RTN1: variants seen among roughly 807,000 people sequenced by gnomAD.
RTN1 encodes the protein reticulon-1.
A neutral mutation model predicts 65.5 loss-of-function variants in RTN1; 25 were observed. The ratio of observed to expected loss-of-function variants is 0.38; its 90% confidence interval spans 0.28 to 0.53. The LOEUF (loss-of-function observed/expected upper bound fraction) is 0.53, where lower values mean the gene tolerates loss of function less well. RTN1 is among the 20% of genes least tolerant of loss of function. RTN1 has a pLI of 0.79. For missense variants in RTN1, 983 were observed against 1,025.4 expected, an observed-to-expected ratio of 0.96 and a Z score of 0.57; for synonymous variants, 471 against 447.6, an observed-to-expected ratio of 1.05 and a Z score of -0.66.
chr14:59,612,001 G>A (rs529260083), intron 3 of RTN1, among the ~76,000 whole-genome samples: 1 of 152,264 alleles, frequency 6.6e-6, no homozygotes, highest in East Asian at 1.9e-4. Context: ...CTTGCCCAGA[G>A]ACCCCATTGT....
chr14:59,720,413 C>T (rs191338943), intron 3 of RTN1, among the ~76,000 whole-genome samples: 3 of 152,268 alleles, frequency 2.0e-5, no homozygotes, highest in Non-Finnish European at 2.9e-5. Context: ...ATAAAAGTAG[C>T]TTAGTTGCTT....
Position 59,671,171 on chromosome 14 carries a change from C to A in RTN1, c.1765+55748G>T, listed in dbSNP as rs527509343. Among the ~76,000 whole-genome samples the A allele has an allele frequency of 4.6e-5, 7 of 152,118 alleles. No homozygotes were observed. In the East Asian group the frequency reaches 1.4e-3, roughly 29 times the overall value. ...AAAGACAGTTTGTCTTGTAAAGACA[C>A]ATCAAAAAGTCATACTTGTGGAAAA... On this transcript the variant is annotated intron_variant, in intron 3 of 8. Coordinates refer to ENST00000267484, the MANE Select transcript of RTN1 (RefSeq NM_021136.3).
intron 1 of RTN1, among the ~76,000 whole-genome samples, chr14:59,845,415 T>C (rs1046168962): frequency 6.6e-6 from 1 of 152,124 alleles, no homozygotes; most frequent in Admixed American, 6.5e-5. Flanking sequence ...TCTTAAGTCT[T>C]CTTCATCTCC....
rs895825596 is a variant in RTN1, at chr14:59,870,550, C to T, written c.81G>A (p.Glu27=). The stretch of plus-strand genomic sequence containing the variant: ...TCGGCGTCACCGCTTCGTTCTCCCC[C>T]TCCCCCCGGTGCCTGAGCCACTGGG... The part of the protein sequence containing the change: ...PGSQWLRHRG[E]GENEAVTPKG... The change falls in exon 1 of 9, where the codon GAG becomes GAA. Residue 27 remains glutamate, a synonymous_variant. Coordinates refer to ENST00000267484, the MANE Select transcript of RTN1 (RefSeq NM_021136.3). The surrounding 1 kb of genome is among the most constrained non-coding windows in gnomAD (Gnocchi z 5.1). 1 of 1,458,196 alleles carries T rather than the reference C, an allele frequency of 6.9e-7. No homozygotes were observed. The highest frequency in any genetic ancestry group is 1.3e-5 in the South Asian group (1 of 75,264). The allele number at this position is 1,458,196 out of a possible 1,614,324, so 90.3% of individuals were successfully genotyped here.
chr14:59,721,765 G>A (rs1884652586), intron 3 of RTN1, among the ~76,000 whole-genome samples: 1 of 152,144 alleles, frequency 6.6e-6, no homozygotes, highest in Non-Finnish European at 1.5e-5. Flanking sequence ...GATCACCTGG[G>A]TGATAATTTT....
At chr14:59,631,906 TG>T (rs1882564016) in intron 3 of RTN1, among the ~76,000 whole-genome samples, 1 of 152,174 alleles carries the variant, frequency 6.6e-6, no homozygotes, top group Non-Finnish European at 1.5e-5. Context: ...CATAGAGAAG[TG>T]GAGCCTTCCC....
chr14:59,825,549 G>A lies in RTN1; in HGVS notation c.241+44841C>T, dbSNP rs1044542091. On this transcript the variant is annotated intron_variant, in intron 1 of 8. Coordinates refer to ENST00000267484, the MANE Select transcript of RTN1 (RefSeq NM_021136.3). This position sits in a 1 kb window ranked among gnomAD's most constrained non-coding sequence, Gnocchi z 4.2. ...GTAGCCAGCAGCATGAGAGGAAGGC[G>A]GCTGTGTCCTGGCTTTCTGGACTTC... 1.3e-5 allele frequency among the ~76,000 whole-genome samples: 2 copies of A among 152,222 alleles called. No individual in the cohort carries two copies. The highest frequency in any genetic ancestry group is 6.5e-5 in the Admixed American group (1 of 15,290).
At chr14:59,834,289 A>G (rs1887177814) in intron 1 of RTN1, among the ~76,000 whole-genome samples, 1 of 152,200 alleles carries the variant, frequency 6.6e-6, no homozygotes, top group Non-Finnish European at 1.5e-5. Flanking sequence ...AATCTTTGTC[A>G]CCTTTGGTTA....
chr14:59,702,750 T>C (rs1384264671), intron 3 of RTN1, among the ~76,000 whole-genome samples: 1 of 152,214 alleles, frequency 6.6e-6, no homozygotes, highest in Non-Finnish European at 1.5e-5. Flanking sequence ...CTACTCACTA[T>C]ATGGCAAGCA....
At chr14:59,770,378 C>CAAAAAA (rs774086177) in intron 1 of RTN1, among the ~76,000 whole-genome samples, 4 of 53,732 alleles carry the variant, frequency 7.4e-5, no homozygotes, top group Non-Finnish European at 1.4e-4. Flanking sequence ...AACTCTGCCT[C>CAAAAAA]AAAAAAAAAA....
intron 1 of RTN1, among the ~76,000 whole-genome samples, chr14:59,782,025 A>G (rs1315515376): frequency 6.6e-6 from 1 of 152,116 alleles, no homozygotes; most frequent in African/African-American, 2.4e-5. Flanking sequence ...AGGCAGCTTC[A>G]TGAATGGGAT....
At chr14:59,730,537 C>T (rs1884876198) in intron 2 of RTN1, among the ~76,000 whole-genome samples, 1 of 152,142 alleles carries the variant, frequency 6.6e-6, no homozygotes, top group Non-Finnish European at 1.5e-5. Flanking sequence ...TTTTGTGCTT[C>T]AGAGAATACC....
intron 3 of RTN1, among the ~76,000 whole-genome samples, chr14:59,631,516 C>CCA (rs1430395673): frequency 1.3e-5 from 2 of 152,080 alleles, no homozygotes; most frequent in Admixed American, 1.3e-4. Context: ...GCTTCCAAGC[C>CCA]CAGGTAGTTA....
At chr14:59,735,316 G>A (rs889102274) in intron 2 of RTN1, among the ~76,000 whole-genome samples, 11 of 152,278 alleles carry the variant, frequency 7.2e-5, no homozygotes, top group Admixed American at 3.9e-4. Flanking sequence ...ACACTATGAA[G>A]CAACCACATA....
At chr14:59,785,602 A>T (rs1036391785) in intron 1 of RTN1, among the ~76,000 whole-genome samples, 2 of 152,246 alleles carry the variant, frequency 1.3e-5, no homozygotes, top group Non-Finnish European at 2.9e-5. Flanking sequence ...GCTTGAAGAA[A>T]TCATACTTTA....
chr14:59,732,343 C>T (rs1032101568), intron 2 of RTN1, among the ~76,000 whole-genome samples: 6 of 152,192 alleles, frequency 3.9e-5, no homozygotes, highest in South Asian at 2.1e-4. Flanking sequence ...GAATCAGCTT[C>T]GGTCCCTGGC....
chr14:59,680,395 T>C (rs1883720666), intron 3 of RTN1, among the ~76,000 whole-genome samples: 1 of 152,200 alleles, frequency 6.6e-6, no homozygotes, highest in African/African-American at 2.4e-5. Context: ...TTTAAAGTTA[T>C]TTTGCATAAA....
chr14:59,750,346 A>ATCTATAATATATAATATCTATAATATAT (rs1555358894), intron 1 of RTN1, among the ~76,000 whole-genome samples: 2 of 40,372 alleles, frequency 5.0e-5, no homozygotes, highest in Non-Finnish European at 7.1e-5. Flanking sequence ...TATATCTATA[A>ATCTATAATATATAATATCTATAATATAT]TATATATTAT....
At chr14:59,837,551 T>C (rs991854403) in intron 1 of RTN1, among the ~76,000 whole-genome samples, 4 of 152,014 alleles carry the variant, frequency 2.6e-5, no homozygotes, top group African/African-American at 9.7e-5. Context: ...AAAAAGTTAA[T>C]ATCCTTAAAA....
Sources: allele counts gnomAD v4.1 joint callset (sites outside exome capture counted in the v4.1 genomes callset), GRCh38; gene constraint gnomAD v4.1.1; non-coding constraint Gnocchi (gnomAD v3.1); transcripts MANE v1.5; gene names NCBI Gene and HGNC (gene_info 2026-07-23, HGNC 2026-07-21).